The following ESRRG variants were observed in gnomAD, a reference collection of about 807,000 sequenced individuals.
The protein encoded by ESRRG is estrogen related receptor gamma.
In ESRRG, 13 loss-of-function variants were observed where a neutral mutation model predicts 44.0. That is an observed-to-expected ratio of 0.30 (90% CI 0.19 to 0.47). The LOEUF is 0.47. ESRRG is among the 20% of genes least tolerant of loss of function. The pLI is 1.00. For synonymous variants in ESRRG, 215 were observed against 214.6 expected, an observed-to-expected ratio of 1.00 and a Z score of -0.02; for missense variants, 395 against 580.6, an observed-to-expected ratio of 0.68 and a Z score of 3.29.
At chr1:216,788,936 C>G (rs1002992032) in intron 2 of ESRRG, among the ~76,000 whole-genome samples, 2 of 151,976 alleles carry the variant, frequency 1.3e-5, no homozygotes, top group African/African-American at 2.4e-5. Flanking sequence ...AGAAATGGAG[C>G]CTGAAAGTGG....
At chr1:216,811,997 G>C (rs185473516) in intron 2 of ESRRG, among the ~76,000 whole-genome samples, 8 of 152,064 alleles carry the variant, frequency 5.3e-5, no homozygotes, top group Non-Finnish European at 1.0e-4. Context: ...GCACACGGCC[G>C]GCCACTGTCA....
rs1405968158 is a variant in ESRRG, at chr1:216,978,044, A to G, written c.-105-38371T>C. ...CCAGCCACTAGAATTGTGAGAAATG[A>G]ATTTATTTTCTTTATAGATTATCTA... On this transcript the variant is annotated intron_variant, in intron 1 of 7. Transcript: ENST00000359162. Among the ~76,000 whole-genome samples, 3 of 152,106 alleles carry G rather than the reference A, an allele frequency of 2.0e-5. No homozygotes were observed. In the East Asian group the frequency reaches 5.8e-4, roughly 29 times the overall value.
chr1:216,682,742 T>G (rs531687446), intron 1 of ESRRG, among the ~76,000 whole-genome samples: 313 of 77,232 alleles, frequency 4.1e-3, no homozygotes, highest in Non-Finnish European at 5.7e-3. Context: ...GTGTGTGTGT[T>G]TTATGCTTTT....
At chr1:216,546,904 C>T (rs1025555401) in intron 5 of ESRRG, among the ~76,000 whole-genome samples, 1 of 151,744 alleles carries the variant, frequency 6.6e-6, no homozygotes, top group Non-Finnish European at 1.5e-5. Context: ...TTGCTGCACC[C>T]GTCAAACCAT....
chr1:217,135,859 T>G (rs1003847556), intron 1 of ESRRG, among the ~76,000 whole-genome samples: 6 of 152,152 alleles, frequency 3.9e-5, no homozygotes, highest in African/African-American at 1.4e-4. Flanking sequence ...AATAGCAAAC[T>G]TTTTGACCGA....
At chr1:216,548,541 C>T (rs146165789) in intron 5 of ESRRG, among the ~76,000 whole-genome samples, 249 of 152,170 alleles carry the variant, frequency 1.6e-3, no homozygotes, top group Middle Eastern at 3.4e-3. Flanking sequence ...AGTAATTAAA[C>T]CTTCACATAC....
At chr1:216,814,046 A>G (rs530221459) in intron 2 of ESRRG, among the ~76,000 whole-genome samples, 6 of 152,008 alleles carry the variant, frequency 3.9e-5, no homozygotes, top group Non-Finnish European at 8.8e-5. Context: ...TCCTCAACCC[A>G]ATTATTTCCC....
intron 1 of ESRRG, among the ~76,000 whole-genome samples, chr1:217,117,277 A>G (rs937938227): frequency 2.6e-5 from 4 of 152,326 alleles, no homozygotes; most frequent in African/African-American, 9.6e-5. Context: ...TTAAATAATT[A>G]AATGAAATTT....
intron 2 of ESRRG, among the ~76,000 whole-genome samples, chr1:216,870,369 T>G (rs549461159): frequency 6.6e-6 from 1 of 151,826 alleles, no homozygotes; most frequent in Non-Finnish European, 1.5e-5. Context: ...TCATTTTACA[T>G]CTTCATTTGA....
At chr1:216,598,279 A>T (rs1418471615) in intron 3 of ESRRG, among the ~76,000 whole-genome samples, 1 of 152,214 alleles carries the variant, frequency 6.6e-6, no homozygotes, top group Non-Finnish European at 1.5e-5. Context: ...GCTAAATTTA[A>T]GCTCTAAGCA....
chr1:216,782,354 A>G (rs1334944809), intron 2 of ESRRG, among the ~76,000 whole-genome samples: 1 of 151,864 alleles, frequency 6.6e-6, no homozygotes, highest in Non-Finnish European at 1.5e-5. Flanking sequence ...GGTGATAAGT[A>G]TTTTCTCTCT....
chr1:216,990,238 C>T (rs1382771929), intron 1 of ESRRG, among the ~76,000 whole-genome samples: 1 of 152,072 alleles, frequency 6.6e-6, no homozygotes, highest in Non-Finnish European at 1.5e-5. Context: ...CAATGTGTAA[C>T]CCAACCCTAA....
intron 1 of ESRRG, among the ~76,000 whole-genome samples, chr1:216,960,944 C>T (rs1037579292): frequency 1.2e-4 from 19 of 152,090 alleles, no homozygotes; most frequent in Non-Finnish European, 2.1e-4. Context: ...TTTTAATGCT[C>T]TACTGTATTC....
intron 2 of ESRRG, among the ~76,000 whole-genome samples, chr1:216,656,749 T>A (rs906903908): frequency 3.9e-5 from 6 of 152,208 alleles, no homozygotes; most frequent in Non-Finnish European, 5.9e-5. Context: ...ATTTATGTAG[T>A]TCCTAAGACT....
At chr1:216,949,574 G>A (rs1560225779) in intron 1 of ESRRG, among the ~76,000 whole-genome samples, 1 of 152,064 alleles carries the variant, frequency 6.6e-6, no homozygotes, top group Non-Finnish European at 1.5e-5. Flanking sequence ...GATCATAAGT[G>A]TTACCTAAAC....
At chr1:216,983,221 A>G (rs1475855909) in intron 1 of ESRRG, among the ~76,000 whole-genome samples, 2 of 151,574 alleles carry the variant, frequency 1.3e-5, no homozygotes, top group Admixed American at 6.6e-5. Flanking sequence ...ATACCAAGAC[A>G]GTGGTATTGA....
At chr1:216,781,798 C>A (rs1339057307) in intron 2 of ESRRG, among the ~76,000 whole-genome samples, 8 of 152,054 alleles carry the variant, frequency 5.3e-5, no homozygotes, top group Admixed American at 5.3e-4. Context: ...CATTTCTAGA[C>A]AATTCCCAAG....
At chr1:216,718,507 T>C (rs2085408697) in intron 1 of ESRRG, among the ~76,000 whole-genome samples, 1 of 151,902 alleles carries the variant, frequency 6.6e-6, no homozygotes. Context: ...GGAAAGATTG[T>C]CAAGCAGCAG....
chr1:216,626,532 C>T (rs1212027075), intron 3 of ESRRG, among the ~76,000 whole-genome samples: 1 of 152,224 alleles, frequency 6.6e-6, no homozygotes, highest in Admixed American at 6.5e-5. Flanking sequence ...TGCATACCTT[C>T]TCCCCTTTCA....
Sources: gnomAD v4.1 joint callset for allele counts (sites outside exome capture counted in the v4.1 genomes callset) on GRCh38, gnomAD v4.1.1 for gene constraint, MANE v1.5 for transcripts, NCBI Gene and HGNC (gene_info 2026-07-23, HGNC 2026-07-21) for gene names.